PSMA7: variants seen among roughly 807,000 people sequenced by gnomAD.
The protein encoded by PSMA7 is proteasome subunit alpha type-7.
A neutral mutation model predicts 31.3 loss-of-function variants in PSMA7; 5 were observed. The ratio of observed to expected loss-of-function variants is 0.16; its 90% CI spans 0.08 to 0.34. The LOEUF (loss-of-function observed/expected upper bound fraction) is 0.34. Among genes scored for constraint, PSMA7 ranks in the 10% least tolerant of loss-of-function variants. The probability of loss-of-function intolerance (pLI) is 1.00; values close to 1 mark genes in which losing one functional copy is unlikely to be tolerated. For synonymous variants in PSMA7, 155 were observed against 121.9 expected (o/e 1.27, Z -1.79); for missense variants, 217 against 327.5 (o/e 0.66, Z 2.60).
rs547884689 is a variant in PSMA7, at chr20:62,138,640, T to G, written c.472-350A>C. Among the ~76,000 whole-genome samples the G allele has an allele frequency of 4.7e-5, 7 of 149,802 alleles. No individual in the cohort carries two copies. The South Asian group carries it at 1.3e-3, about 27-fold the overall frequency. ...TGTGATCTCGGCTCACTGCAACCTA[T>G]GCCTCTCGGGTTCAAGCGATTTTCC... On this transcript the variant is annotated intron_variant, in intron 4 of 6. Coordinates refer to ENST00000370873, the MANE Select transcript of PSMA7 (RefSeq NM_002792.4).
intron 1 of PSMA7, among the ~76,000 whole-genome samples, chr20:62,141,582 T>G (rs1379949054): frequency 3.3e-5 from 5 of 152,228 alleles, no homozygotes; most frequent in African/African-American, 1.2e-4. Flanking sequence ...AATCGGCATG[T>G]GTTTCCTTTC....
Position 62,137,433 on chromosome 20 carries a change from G to T in PSMA7, c.592-7C>A. 1 of 1,614,006 alleles carries T rather than the reference G, an allele frequency of 6.2e-7. No individual in the cohort carries two copies. The highest frequency in any genetic ancestry group is 8.5e-7 in the Non-Finnish European group (1 of 1,179,908). ...TGCCACCTGACTGAACCACCTTGAA[G>T]GGACAGAAGACAGGAGCATTAACCA... is the stretch of plus-strand genomic sequence containing the variant. On this transcript the variant is annotated splice_region_variant and splice_polypyrimidine_tract_variant and intron_variant, in intron 5 of 6. Coordinates refer to ENST00000370873, the MANE Select transcript of PSMA7 (RefSeq NM_002792.4).
intron 5 of PSMA7, 115 bp from the exon 6 acceptor site, chr20:62,137,541 G>T (rs951658760): frequency 2.0e-6 from 2 of 980,418 alleles, no homozygotes; most frequent in Non-Finnish European, 3.2e-6. Flanking sequence ...CCCAGGAACA[G>T]AGGTCCCAGC....
At position 62,143,348 on chromosome 20, in the gene PSMA7, G is replaced by C. The variant is rs769829366; in HGVS notation, c.-45C>G. 7.8e-7 allele frequency: 1 copy of C among 1,275,156 alleles called. No individual in the cohort carries two copies. The highest frequency in any genetic ancestry group is 1.0e-6 in the Non-Finnish European group (1 of 973,732). 79.0% of individuals were successfully genotyped at this position (1,275,156 alleles called of 1,614,324 possible). A position where few individuals can be genotyped will look rare whatever the true frequency, so the allele number is the denominator to read the frequency against. On this transcript the variant is annotated 5_prime_UTR_variant, in exon 1 of 7. Transcript: ENST00000370873. The stretch of plus-strand genomic sequence containing the variant: ...GCTCCTTCCGCCGCGACTCTCAAAA[G>C]CGCACACTCACGGCCCGCGCGCACC...
At chr20:62,139,583 G>A in intron 3 of PSMA7, 198 bp downstream of exon 3, 1 of 880,282 alleles carries the variant, frequency 1.1e-6, no homozygotes, top group Non-Finnish European at 1.8e-6. Context: ...AATATCCCAT[G>A]CCAGGAACTG....
At position 62,139,857 on chromosome 20, in the gene PSMA7, C is replaced by T. The variant is rs1418350994; in HGVS notation, c.272G>A (p.Cys91Tyr). Residue 91 changes from cysteine (C) to tyrosine (Y), a missense_variant, in exon 3 of 7, where the codon TGC becomes TAC. Cys to Tyr is a radical substitution (Grantham distance 194, BLOSUM62 -2). Around this residue, in one of 3 missense-constraint regions of PSMA7, gnomAD observed 53 missense variants for 119.4 expected, o/e 0.44. Coordinates refer to ENST00000370873, the MANE Select transcript of PSMA7 (RefSeq NM_002792.4). Reference protein sequence around the residue: ...RIVINRARVECQSHRLTVEDP... With the variant: ...RIVINRARVEYQSHRLTVEDP... ...CTCCACAGTCAGCCGGTGGCTCTGG[C>T]ACTCCACCCGGGCCCTGTTGATGAC... 6.2e-7 allele frequency: 1 copy of T among 1,613,906 alleles called. No homozygotes were observed. The highest frequency in any genetic ancestry group is 1.7e-5 in the Admixed American group (1 of 60,006).
intron 1 of PSMA7, among the ~76,000 whole-genome samples, chr20:62,141,745 G>A (rs1362222034): frequency 6.6e-6 from 1 of 152,252 alleles, no homozygotes; most frequent in Non-Finnish European, 1.5e-5. Flanking sequence ...ACAGCCATGA[G>A]AAGGGGCCTG....
intron 3 of PSMA7, 157 bp downstream of exon 3, chr20:62,139,624 G>GCT (rs2056915009): frequency 8.3e-7 from 1 of 1,208,824 alleles, no homozygotes; most frequent in African/African-American, 1.5e-5. Flanking sequence ...AAATTGGTGA[G>GCT]CTAGGTCAAG....
In PSMA7 at chr20:62,139,762, C is replaced by T; in HGVS notation, c.348+19G>A. 2 of 1,613,858 alleles carry T rather than the reference C, an allele frequency of 1.2e-6. No homozygotes were observed. Among genetic ancestry groups the T allele is most frequent in the Non-Finnish European group, 1.7e-6 (2 of 1,180,042 alleles). Reference sequence around the variant, plus strand: ...TGCCCTGCTGCCAGAGGTGAGCATGCAAGCGGGCAGGCACCCACCTGCTTC... The same window carrying T: ...TGCCCTGCTGCCAGAGGTGAGCATGTAAGCGGGCAGGCACCCACCTGCTTC... On this transcript the variant is annotated intron_variant, in intron 3 of 6. Transcript: ENST00000370873.
chr20:62,138,052 G>A, intron 5 of PSMA7, 119 bp downstream of exon 5: 1 of 1,353,552 alleles, frequency 7.4e-7, no homozygotes, highest in Non-Finnish European at 1.0e-6. Context: ...CTGGAACACA[G>A]CAGTCATTAA....
intron 4 of PSMA7, 65 bp from the exon 5 acceptor site, chr20:62,138,355 A>G: frequency 1.3e-6 from 2 of 1,528,880 alleles, no homozygotes; most frequent in Non-Finnish European, 1.8e-6. Context: ...GCCCTGGAAC[A>G]CAGCTGCCCT....
intron 2 of PSMA7, among the ~76,000 whole-genome samples, chr20:62,140,279 T>G (rs1294553149): frequency 1.3e-5 from 2 of 152,210 alleles, no homozygotes; most frequent in East Asian, 3.8e-4. Flanking sequence ...CTTCAGACCA[T>G]ACTTAAATAC....
intron 2 of PSMA7, among the ~76,000 whole-genome samples, chr20:62,140,379 A>C (rs1401519197): frequency 6.6e-6 from 1 of 152,200 alleles, no homozygotes; most frequent in Non-Finnish European, 1.5e-5. Flanking sequence ...GCATCTGCTG[A>C]GAGGAGAAAT....
chr20:62,139,651 C>G, intron 3 of PSMA7, 130 bp downstream of exon 3: 3 of 1,479,024 alleles, frequency 2.0e-6, no homozygotes, highest in Non-Finnish European at 9.4e-7. Flanking sequence ...TTGTGCAAGT[C>G]AAGATTAGGA....
rs1428079895 is a variant in PSMA7, at chr20:62,139,203, A to G, written c.349-6T>C. On this transcript the variant is annotated splice_region_variant and splice_polypyrimidine_tract_variant and intron_variant, in intron 3 of 6. Transcript: ENST00000370873. Reference sequence around the variant, plus strand: ...CCATTGCTCTGCGTATAACGCTAGCAAGAAAAGAAACAGGTCAGTGCCATC... The same window carrying G: ...CCATTGCTCTGCGTATAACGCTAGCGAGAAAAGAAACAGGTCAGTGCCATC... 2.5e-6 allele frequency: 4 copies of G among 1,613,284 alleles called. No individual in the cohort carries two copies. The highest frequency in any genetic ancestry group is 1.7e-6 in the Non-Finnish European group (2 of 1,179,498).
chr20:62,143,293 T>C lies in PSMA7; in HGVS notation c.11A>G (p.Asp4Gly). The change falls in exon 1 of 7, where the codon GAC becomes GGC. Residue 4 changes from aspartate (D) to glycine (G), a missense_variant. Physicochemically the swap from Asp to Gly is moderately conservative, Grantham distance 94. Around this residue, in one of 3 missense-constraint regions of PSMA7, gnomAD observed 76 missense variants for 96.5 expected, o/e 0.79. Transcript: ENST00000370873. Reference protein sequence around the residue: MSYDRAITVFSPDG... With the variant: MSYGRAITVFSPDG... ...GGGCGAGAAGACGGTGATGGCGCGG[T>C]CGTAGCTCATGCCGGCGGGCGGCGG... is the stretch of plus-strand genomic sequence containing the variant. The C allele has an allele frequency of 7.0e-7, 1 of 1,430,898 alleles. No individual in the cohort carries two copies. Among genetic ancestry groups the C allele is most frequent in the Non-Finnish European group, 9.3e-7 (1 of 1,077,792 alleles). 88.6% of individuals were successfully genotyped at this position (1,430,898 alleles called of 1,614,324 possible).
intron 5 of PSMA7, 121 bp downstream of exon 5, chr20:62,138,046 AACAC>A: frequency 7.6e-7 from 1 of 1,310,274 alleles, no homozygotes; most frequent in Non-Finnish European, 1.1e-6. Flanking sequence ...CAGTGCCTGG[AACAC>A]AGCAGTCATT....
At chr20:62,137,576 A>G (rs1188062013) in intron 5 of PSMA7, 150 bp from the exon 6 acceptor site, 1 of 731,068 alleles carries the variant, frequency 1.4e-6, no homozygotes, top group East Asian at 2.5e-5. Flanking sequence ...TCTTTGTCCT[A>G]AACTCATGGC....
chr20:62,143,057 C>T (rs1406000272), intron 1 of PSMA7, 151 bp downstream of exon 1: 1 of 243,826 alleles, frequency 4.1e-6, no homozygotes, highest in African/African-American at 2.3e-5. Flanking sequence ...GCAGCGGGGC[C>T]CGCGCTCAGC....
Sources: allele counts gnomAD v4.1 joint callset (sites outside exome capture counted in the v4.1 genomes callset), GRCh38; gene constraint gnomAD v4.1.1; regional missense constraint gnomAD v4.1.1; transcripts MANE v1.5; gene names NCBI Gene and HGNC (gene_info 2026-07-23, HGNC 2026-07-21).